The following DSCAML1 variants were observed in gnomAD, a reference collection of about 807,000 sequenced individuals.
The protein encoded by DSCAML1 is cell adhesion molecule DSCAML1.
In DSCAML1, 38 loss-of-function variants were observed where a neutral mutation model predicts 200.5. The observed-to-expected ratio is 0.19, with a 90% CI of 0.15 to 0.25. DSCAML1 has a LOEUF of 0.25. DSCAML1 is among the 10% of genes least tolerant of loss of function. DSCAML1 has a pLI of 1.00. For missense variants in DSCAML1, 2,223 were observed against 2,858.8 expected (o/e 0.78, Z 5.07); for synonymous variants, 1,215 against 1,165.0 (o/e 1.04, Z -0.87).
intron 8 of DSCAML1, among the ~76,000 whole-genome samples, chr11:117,509,743 C>T (rs2049582097): frequency 6.6e-6 from 1 of 152,204 alleles, no homozygotes; most frequent in Non-Finnish European, 1.5e-5. Context: ...TCAGCGGCGC[C>T]CTCTCCAGTG....
intron 3 of DSCAML1, among the ~76,000 whole-genome samples, chr11:117,665,596 ATC>A (rs1224801559): frequency 6.6e-6 from 1 of 152,176 alleles, no homozygotes; most frequent in African/African-American, 2.4e-5. Context: ...TTCCTGGAAA[ATC>A]TATCTCTGCA....
At chr11:117,769,619 AT>A (rs1160699878) in intron 3 of DSCAML1, among the ~76,000 whole-genome samples, 1 of 140,712 alleles carries the variant, frequency 7.1e-6, no homozygotes, top group Non-Finnish European at 1.5e-5. Flanking sequence ...GGGAGATAAT[AT>A]AGTCCAGCAC....
chr11:117,480,094 C>T lies in DSCAML1; in HGVS notation c.2785+349G>A, dbSNP rs2048879867. On this transcript the variant is annotated intron_variant, in intron 14 of 32. Coordinates refer to ENST00000651296, the MANE Select transcript of DSCAML1 (RefSeq NM_020693.4). This position sits in a 1 kb window ranked among gnomAD's most constrained non-coding sequence, Gnocchi z 4.1. ...GGAGCACCCATATGACCTGGCCAAA[C>T]CCGTGATGCTTCTGATGCCAGAGAC... Among the ~76,000 whole-genome samples, 1 of 152,206 alleles carries T rather than the reference C, an allele frequency of 6.6e-6. No individual in the cohort carries two copies. Among genetic ancestry groups the T allele is most frequent in the Non-Finnish European group, 1.5e-5 (1 of 68,040 alleles).
intron 16 of DSCAML1, among the ~76,000 whole-genome samples, chr11:117,467,191 A>ACCCCCCCCCCCCCCC (rs1428082660): frequency 9.3e-6 from 1 of 107,956 alleles, no homozygotes; most frequent in African/African-American, 5.1e-5. Context: ...GCGTGCACAC[A>ACCCCCCCCCCCCCCC]CACCTCCCCC....
chr11:117,685,422 G>C (rs909912060), intron 3 of DSCAML1, among the ~76,000 whole-genome samples: 6 of 152,152 alleles, frequency 3.9e-5, no homozygotes, highest in African/African-American at 1.4e-4. Flanking sequence ...CAGAAAACAG[G>C]GTCAGGGTGG....
chr11:117,443,817 G>A, intron 21 of DSCAML1, 69 bp downstream of exon 21: 3 of 1,514,654 alleles, frequency 2.0e-6, no homozygotes, highest in Non-Finnish European at 2.6e-6. Context: ...CCTGTCTGGG[G>A]AGAACCAGGA....
At chr11:117,616,429 A>G (rs2051812765) in intron 3 of DSCAML1, among the ~76,000 whole-genome samples, 1 of 152,240 alleles carries the variant, frequency 6.6e-6, no homozygotes, top group African/African-American at 2.4e-5. Flanking sequence ...CTACTGATGT[A>G]TACAGGTTGT....
At chr11:117,604,605 A>T (rs1234626811) in intron 3 of DSCAML1, among the ~76,000 whole-genome samples, 1 of 152,212 alleles carries the variant, frequency 6.6e-6, no homozygotes, top group Non-Finnish European at 1.5e-5. Context: ...TTGTTTATTT[A>T]TTCATGCTCA....
chr11:117,515,464 A>G (rs1297999825), intron 8 of DSCAML1, among the ~76,000 whole-genome samples: 1 of 152,130 alleles, frequency 6.6e-6, no homozygotes, highest in Non-Finnish European at 1.5e-5. Context: ...CCAAGGAGAC[A>G]TTGTCATTGA....
chr11:117,554,491 C>T (rs12799960), intron 3 of DSCAML1, among the ~76,000 whole-genome samples: 15,122 of 152,068 alleles, frequency 0.099, 923 homozygotes, highest in African/African-American at 0.14. Flanking sequence ...AGGGATTCTC[C>T]TGCCTCATCC....
At chr11:117,684,462 A>AAAAAAAAAAAAG (rs1565872985) in intron 3 of DSCAML1, among the ~76,000 whole-genome samples, 2 of 129,956 alleles carry the variant, frequency 1.5e-5, no homozygotes, top group Non-Finnish European at 3.3e-5. Context: ...AAAAAAAAAG[A>AAAAAAAAAAAAG]AAAAAAGAGG....
chr11:117,569,134 T>C (rs1166293561), intron 3 of DSCAML1, among the ~76,000 whole-genome samples: 1 of 152,194 alleles, frequency 6.6e-6, no homozygotes, highest in Non-Finnish European at 1.5e-5. Context: ...ATTCCCTATT[T>C]AATAAATGGT....
At chr11:117,654,465 C>A (rs1591366923) in intron 3 of DSCAML1, among the ~76,000 whole-genome samples, 1 of 152,270 alleles carries the variant, frequency 6.6e-6, no homozygotes, top group East Asian at 1.9e-4. Flanking sequence ...TGCTCTATGA[C>A]CCTGGAAAAG....
intron 3 of DSCAML1, among the ~76,000 whole-genome samples, chr11:117,733,723 A>AGAAG (rs2054266296): frequency 2.6e-5 from 4 of 152,176 alleles, no homozygotes; most frequent in African/African-American, 9.7e-5. Flanking sequence ...GACCATCTGG[A>AGAAG]TAAGTCATCT....
rs540819222 is a variant in DSCAML1 at position 117,492,896 on chromosome 11, C to T, written c.2360-10734G>A. ...GTTGTTAATTTGATTGCACCCACTT[C>T]GGCTTCTTGTCTCTCCTGATTAGCC... On this transcript the variant is annotated intron_variant, in intron 11 of 32. Transcript: ENST00000651296. Among the ~76,000 whole-genome samples the T allele has an allele frequency of 3.5e-4, 54 of 152,286 alleles. No homozygotes were observed. The South Asian group carries it at 6.6e-3, about 19-fold the overall frequency.
intron 3 of DSCAML1, chr11:117,611,499 C>T (rs2137531946): frequency 6.6e-6 from 1 of 152,274 alleles, no homozygotes; most frequent in Middle Eastern, 3.4e-3. Context: ...TGTGGTCTTC[C>T]CAAGAGCAGG....
At chr11:117,616,542 T>A (rs1256386314) in intron 3 of DSCAML1, among the ~76,000 whole-genome samples, 1 of 152,130 alleles carries the variant, frequency 6.6e-6, no homozygotes, top group Non-Finnish European at 1.5e-5. Context: ...AATGAATGAA[T>A]CTCCCATGAA....
intron 20 of DSCAML1, among the ~76,000 whole-genome samples, chr11:117,447,930 C>G (rs2048212823): frequency 6.6e-6 from 1 of 152,244 alleles, no homozygotes; most frequent in Admixed American, 6.5e-5. Context: ...TCACGTCACA[C>G]ACAGTGGTTA....
In DSCAML1 at chr11:117,518,734, G is replaced by A. The variant is rs762460681; in HGVS notation, c.1242C>T (p.Phe414=). 6.2e-7 allele frequency: 1 copy of A among 1,612,624 alleles called. No individual in the cohort carries two copies. Among genetic ancestry groups the A allele is most frequent in the East Asian group, 2.2e-5 (1 of 44,880 alleles). Residue 414 remains phenylalanine (F), a synonymous_variant, in exon 7 of 33, where the codon TTC becomes TTT. Transcript: ENST00000651296. This position sits in a 1 kb window ranked among gnomAD's most constrained non-coding sequence, Gnocchi z 6.3. ...EDGTPRIVSS[F]SEKVVNPGEQ... ...CCCCGGGGTTGACCACCTTCTCGCT[G>A]AAGGACGAGACGATGCGGGGCGTGC... is the stretch of plus-strand genomic sequence containing the variant.
Sources: gnomAD v4.1 joint callset for allele counts (sites outside exome capture counted in the v4.1 genomes callset) on GRCh38, gnomAD v4.1.1 for gene constraint, Gnocchi (gnomAD v3.1) non-coding constraint, MANE v1.5 for transcripts, NCBI Gene and HGNC (gene_info 2026-07-23, HGNC 2026-07-21) for gene names.